The following CDYL variants were observed in gnomAD, a reference collection of about 807,000 sequenced individuals.
CDYL encodes chromodomain Y like, also known as chromodomain Y-like protein.
A neutral mutation model predicts 47.3 loss-of-function variants in CDYL; 8 were observed. The observed-to-expected ratio is 0.17, with a 90% CI of 0.10 to 0.31. The LOEUF (loss-of-function observed/expected upper bound fraction) is 0.31, where lower values mean the gene tolerates loss of function less well. Ranked by LOEUF, CDYL falls within the 10% of genes least tolerant of loss-of-function variation. The pLI, the probability that CDYL is intolerant of heterozygous loss-of-function variation, is 1.00. For missense variants in CDYL, 471 were observed against 701.4 expected (o/e 0.67, Z 3.71); for synonymous variants, 266 against 265.0 (o/e 1.00, Z -0.04).
At chr6:4,791,592 A>G (rs996350553) in intron 1 of CDYL, among the ~76,000 whole-genome samples, 1 of 152,094 alleles carries the variant, frequency 6.6e-6, no homozygotes, top group Non-Finnish European at 1.5e-5. Context: ...GCTGACATCC[A>G]CTTGGCAGAC....
chr6:4,877,610 A>G (rs1425873620), intron 1 of CDYL, among the ~76,000 whole-genome samples: 1 of 152,202 alleles, frequency 6.6e-6, no homozygotes, highest in Admixed American at 6.5e-5. Flanking sequence ...GATCTTTGTA[A>G]TCAAAAATCA....
intron 1 of CDYL, among the ~76,000 whole-genome samples, chr6:4,885,054 T>C (rs1231286413): frequency 6.6e-6 from 1 of 152,112 alleles, no homozygotes; most frequent in African/African-American, 2.4e-5. Context: ...AGTGCAGTGG[T>C]GTGATCACAG....
chr6:4,732,676 G>GC lies in CDYL; in HGVS notation c.104-2086_104-2085insC, dbSNP rs1217791207. 1.8e-3 allele frequency among the ~76,000 whole-genome samples: 224 copies of GC among 126,988 alleles called. 3 individuals are homozygous for GC. The highest frequency in any genetic ancestry group is 7.0e-3 in the African/African-American group (208 of 29,642). The allele number at this position is 126,988 out of a possible 152,430, so 83.3% of individuals were successfully genotyped here. ...AGATCCTGTTTTTTAAAAAAAAAGAGGGGGGGATTGGGGGGGAATTCTCAG... is the reference window on the plus strand; with the variant it reads ...AGATCCTGTTTTTTAAAAAAAAAGAGCGGGGGGATTGGGGGGGAATTCTCAG... On this transcript the variant is annotated intron_variant, in intron 2 of 8. Transcript: ENST00000328908.
rs1280416731 is a variant in CDYL at position 4,765,514 on chromosome 6, AC to A, written c.186+30671del. Among the ~76,000 whole-genome samples, 3 of 152,036 alleles carry A rather than the reference AC, an allele frequency of 2.0e-5. No homozygotes were observed. The East Asian group carries it at 5.8e-4, about 29-fold the overall frequency. Reference sequence around the variant, plus strand: ...GGGGAATTTATAGGTTTTAATTCATACATTTGAAAAGAAGACTGAAGATCAA... The same window carrying A: ...GGGGAATTTATAGGTTTTAATTCATAATTTGAAAAGAAGACTGAAGATCAA... On this transcript the variant is annotated intron_variant, in intron 3 of 8. Coordinates refer to the CDYL transcript ENST00000328908.
chr6:4,837,238 ATAATT>A (rs1170607248), intron 1 of CDYL, among the ~76,000 whole-genome samples: 4 of 152,238 alleles, frequency 2.6e-5, no homozygotes, highest in Admixed American at 6.5e-5. Context: ...GAGTGACAAT[ATAATT>A]TATCATTCAA....
intron 1 of CDYL, among the ~76,000 whole-genome samples, chr6:4,890,905 T>TGGAG (rs1202614407): frequency 6.6e-6 from 1 of 152,252 alleles, no homozygotes; most frequent in Non-Finnish European, 1.5e-5. Flanking sequence ...CAGTAACGTA[T>TGGAG]GGAGGCACTG....
chr6:4,891,685 A>T (rs561066951), intron 1 of CDYL, 28 bp from the exon 2 acceptor site: 47 of 1,546,644 alleles, frequency 3.0e-5, no homozygotes, highest in African/African-American at 2.7e-4. Flanking sequence ...TGATTTTTTT[A>T]AAACTATTTT....
At chr6:4,884,240 A>G (rs1316825358) in intron 1 of CDYL, among the ~76,000 whole-genome samples, 1 of 152,200 alleles carries the variant, frequency 6.6e-6, no homozygotes, top group Admixed American at 6.5e-5. Flanking sequence ...CTTCAGGAGA[A>G]AGCCACGTGG....
chr6:4,794,067 T>C (rs1759003573), intron 1 of CDYL, among the ~76,000 whole-genome samples: 3 of 152,194 alleles, frequency 2.0e-5, no homozygotes, highest in South Asian at 4.1e-4. Flanking sequence ...TTAGGAGTTA[T>C]CCATGTAGTA....
At chr6:4,845,937 A>G (rs1313343121) in intron 1 of CDYL, among the ~76,000 whole-genome samples, 2 of 152,178 alleles carry the variant, frequency 1.3e-5, no homozygotes, top group African/African-American at 4.8e-5. Context: ...TCCTATTTGA[A>G]AACTGGCACA....
At chr6:4,902,117 GGCCGGGT>G (rs1757075571) in intron 2 of CDYL, among the ~76,000 whole-genome samples, 1 of 152,154 alleles carries the variant, frequency 6.6e-6, no homozygotes, top group African/African-American at 2.4e-5. Context: ...TGGCAATAGA[GGCCGGGT>G]GCAGTGGCTC....
At chr6:4,740,792 T>C (rs930018983) in intron 3 of CDYL, among the ~76,000 whole-genome samples, 1 of 151,026 alleles carries the variant, frequency 6.6e-6, no homozygotes, top group African/African-American at 2.4e-5. Context: ...CTAAAATCTT[T>C]TTTTTTTTTT....
In CDYL at chr6:4,954,719, T is replaced by TA. The variant is rs1284285820; in HGVS notation, c.*664dup. 6.6e-6 allele frequency: 1 copy of TA among 152,326 alleles called. No individual in the cohort carries two copies. Among genetic ancestry groups the TA allele is most frequent in the Non-Finnish European group, 1.5e-5 (1 of 68,036 alleles). The allele number at this position is 152,326 out of a possible 1,614,324, so 9.4% of individuals were successfully genotyped here. A position where few individuals can be genotyped will look rare whatever the true frequency, so the allele number is the denominator to read the frequency against. On this transcript the variant is annotated 3_prime_UTR_variant, in exon 7 of 7. Coordinates refer to ENST00000397588, the MANE Select transcript of CDYL (RefSeq NM_004824.4). The stretch of plus-strand genomic sequence containing the variant: ...TTCTTTTTAAAATACGTCCAGTTCT[T>TA]ACCCAGTTAACATGAAGAAACCACT...
intron 2 of CDYL, among the ~76,000 whole-genome samples, chr6:4,893,422 G>A (rs1463207429): frequency 1.3e-5 from 2 of 152,224 alleles, no homozygotes; most frequent in African/African-American, 4.8e-5. Flanking sequence ...GCCGGGCGTG[G>A]TGGCTCATGC....
rs80349898 is a variant in CDYL at position 4,869,947 on chromosome 6, T to G, written c.25-21766T>G. 1.5e-3 allele frequency among the ~76,000 whole-genome samples: 232 copies of G among 152,352 alleles called. 3 individuals carry two copies. In the East Asian group the frequency reaches 0.041, roughly 27 times the overall value. The stretch of plus-strand genomic sequence containing the variant: ...GTTTTGCATTACTGTCTGGAGTCCT[T>G]TCAGCCTATAGGACTTTATGCTTTC... On this transcript the variant is annotated intron_variant, in intron 1 of 6. Transcript: ENST00000397588.
chr6:4,934,648 T>G (rs145001645), intron 2 of CDYL, among the ~76,000 whole-genome samples: 1 of 152,216 alleles, frequency 6.6e-6, no homozygotes, highest in Non-Finnish European at 1.5e-5. Flanking sequence ...GGACAATTCA[T>G]ACAGACAGGA....
At chr6:4,815,422 C>A (rs1759644545) in intron 1 of CDYL, among the ~76,000 whole-genome samples, 1 of 152,164 alleles carries the variant, frequency 6.6e-6, no homozygotes, top group Non-Finnish European at 1.5e-5. Flanking sequence ...GTGTAGAATA[C>A]TGTCATTTAG....
At chr6:4,726,830 G>T (rs1757523499) in intron 2 of CDYL, among the ~76,000 whole-genome samples, 1 of 152,270 alleles carries the variant, frequency 6.6e-6, no homozygotes, top group East Asian at 1.9e-4. Flanking sequence ...AAGTCTCCAT[G>T]TGAAGGGTGC....
intron 2 of CDYL, among the ~76,000 whole-genome samples, chr6:4,925,226 A>G (rs1466331226): frequency 6.6e-6 from 1 of 152,154 alleles, no homozygotes; most frequent in Non-Finnish European, 1.5e-5. Context: ...GTATACTCAG[A>G]TCGTTCCTAA....
Sources: gnomAD v4.1 joint callset for allele counts (sites outside exome capture counted in the v4.1 genomes callset) on GRCh38, gnomAD v4.1.1 for gene constraint, MANE v1.5 for transcripts, NCBI Gene and HGNC (gene_info 2026-07-23, HGNC 2026-07-21) for gene names.